Variants in TRIP11 observed in about 807,000 individuals in gnomAD.
TRIP11 encodes the protein thyroid hormone receptor interactor 11, also known as thyroid receptor-interacting protein 11.
A neutral mutation model predicts 223.1 loss-of-function variants in TRIP11; 148 were observed. The observed-to-expected ratio is 0.66, with a 90% CI of 0.58 to 0.76. The LOEUF (loss-of-function observed/expected upper bound fraction) is 0.76, where lower values mean the gene tolerates loss of function less well. Ranked by LOEUF, TRIP11 falls within the 30% of genes least tolerant of loss-of-function variation. The pLI is 0.00. For missense variants in TRIP11, 2,043 were observed against 2,222.0 expected (o/e 0.92, Z 1.62); for synonymous variants, 762 against 772.6 (o/e 0.99, Z 0.23).
chr14:91,972,866 GA>G lies in TRIP11; in HGVS notation c.5575-6del, dbSNP rs769352931. 6 of 1,607,550 alleles carry G rather than the reference GA, an allele frequency of 3.7e-6. No homozygotes were observed. The East Asian group carries it at 1.1e-4, about 30-fold the overall frequency. ...AACAAAAAGTTCTGAAAAAGACTAA[GA>G]AAAAATATTTTGGTTATATTAGGCT... On this transcript the variant is annotated splice_polypyrimidine_tract_variant and splice_region_variant and intron_variant, in intron 19 of 20. Transcript: ENST00000267622.
At chr14:91,970,239 T>C (rs528762313) in intron 20 of TRIP11, among the ~76,000 whole-genome samples, 37 of 152,154 alleles carry the variant, frequency 2.4e-4, no homozygotes, top group African/African-American at 8.2e-4. Context: ...AAACGCCGTC[T>C]CTACTAAAAA....
chr14:92,032,825 C>G (rs946206259), intron 2 of TRIP11, among the ~76,000 whole-genome samples: 13 of 148,122 alleles, frequency 8.8e-5, no homozygotes, highest in African/African-American at 3.3e-4. Flanking sequence ...AGAGTGAGAC[C>G]CCGTTTCAAA....
chr14:92,026,555 C>T (rs879903670), intron 2 of TRIP11: 106 of 1,258,986 alleles, frequency 8.4e-5, no homozygotes, highest in Non-Finnish European at 1.0e-4. Flanking sequence ...GGATCACTGG[C>T]GTGCCCTACC....
chr14:91,967,012 C>T lies in TRIP11; in HGVS notation c.*2661G>A, dbSNP rs59452573. 1.0e-5 allele frequency: 2 copies of T among 200,890 alleles called. No individual in the cohort carries two copies. The highest frequency in any genetic ancestry group is 4.6e-5 in the African/African-American group (2 of 43,464). The allele number at this position is 200,890 out of a possible 1,614,324, so 12.4% of individuals were successfully genotyped here. ...ACGGTTCAGTGAGCAGGTGGTTCATCTCTGACACAACTAAGTTTCAGAAAA... is the reference window on the plus strand; with the variant it reads ...ACGGTTCAGTGAGCAGGTGGTTCATTTCTGACACAACTAAGTTTCAGAAAA... On this transcript the variant is annotated 3_prime_UTR_variant, in exon 21 of 21. Coordinates refer to ENST00000267622, the MANE Select transcript of TRIP11 (RefSeq NM_004239.4).
At chr14:92,030,215 A>G (rs1339931938) in intron 2 of TRIP11, among the ~76,000 whole-genome samples, 2 of 151,080 alleles carry the variant, frequency 1.3e-5, no homozygotes, top group Non-Finnish European at 3.0e-5. Flanking sequence ...AAAAAAAAAA[A>G]AAAAAAAAAA....
Position 91,995,385 on chromosome 14 carries a change from T to C in TRIP11, c.5023A>G (p.Asn1675Asp). Residue 1675 changes from asparagine to aspartate, a missense_variant, in exon 14 of 21, where the codon AAC (asparagine) becomes GAC (aspartate). Coordinates refer to ENST00000267622, the MANE Select transcript of TRIP11 (RefSeq NM_004239.4). ...QVKQYALSLA[N>D]LQMVLEHFQQ... ...AAATGCTCTAGTACCATCTGCAGGT[T>C]GGCCAGTGACAGAGCATACTGCTTT... is the stretch of plus-strand genomic sequence containing the variant. 6.2e-7 allele frequency: 1 copy of C among 1,613,998 alleles called. No individual in the cohort carries two copies. The highest frequency in any genetic ancestry group is 8.5e-7 in the Non-Finnish European group (1 of 1,180,002).
chr14:92,026,088 T>C (rs1010414830), intron 2 of TRIP11, among the ~76,000 whole-genome samples: 1 of 152,240 alleles, frequency 6.6e-6, no homozygotes, highest in Non-Finnish European at 1.5e-5. Context: ...GTTTGAACTT[T>C]TGTTTTCTTC....
At chr14:92,039,415 T>C (rs2057358886) in intron 1 of TRIP11, 132 bp downstream of exon 1, 1 of 893,832 alleles carries the variant, frequency 1.1e-6, no homozygotes, top group East Asian at 2.6e-5. Flanking sequence ...CAAGAGGAGG[T>C]GTGTGAAGAA....
intron 9 of TRIP11, among the ~76,000 whole-genome samples, chr14:92,010,616 T>G (rs373938366): frequency 6.6e-6 from 1 of 151,958 alleles, no homozygotes; most frequent in South Asian, 2.1e-4. Flanking sequence ...TCCACCAAAA[T>G]GGACACATTC....
At position 92,004,422 on chromosome 14, in the gene TRIP11, G is replaced by A. The variant is rs1489640595; in HGVS notation, c.3554C>T (p.Ala1185Val). 1.2e-6 allele frequency: 2 copies of A among 1,613,796 alleles called. No individual in the cohort carries two copies. Among genetic ancestry groups the A allele is most frequent in the East Asian group, 2.2e-5 (1 of 44,900 alleles). The change falls in exon 11 of 21, where the codon GCA (alanine) becomes GTA (valine). Residue 1185 changes from alanine to valine, a missense_variant. Physicochemically the swap from Ala to Val is moderately conservative, Grantham distance 64. Transcript: ENST00000267622. The stretch of plus-strand genomic sequence containing the variant: ...ACCAGTGCTGGATGTTTGTAAAACT[G>A]CCAATAAAGTCTGACATTTCTGACT... ...ALSQKCQTLL[A>V]VLQTSSTGNE...
rs1566872232 is a variant in TRIP11 at position 92,025,328 on chromosome 14, A to G, written c.294T>C (p.Asn98=). 6.2e-7 allele frequency: 1 copy of G among 1,613,466 alleles called. No homozygotes were observed. The highest frequency in any genetic ancestry group is 1.7e-5 in the Admixed American group (1 of 60,014). ...QIKQQSTSYR[N]QLQQKEVEIS... ...CATTTACCTCTTTTTGTTGAAGTTG[A>G]TTTCGGTAACTTGTAGATTGCTGCT... The change falls in exon 3 of 21, where the codon AAT becomes AAC. Residue 98 remains asparagine, a synonymous_variant. Transcript: ENST00000267622.
At position 91,967,272 on chromosome 14, in the gene TRIP11, G is replaced by A. The variant is rs1394798551; in HGVS notation, c.*2401C>T. On this transcript the variant is annotated 3_prime_UTR_variant, in exon 21 of 21. Transcript: ENST00000267622. ...TCCTGCCTCAGCCTCCTGAGTAGCT[G>A]GGATTATAGGCGCCTGCCACCATGC... 1.7e-5 allele frequency: 3 copies of A among 173,754 alleles called. No homozygotes were observed. Among genetic ancestry groups the A allele is most frequent in the Non-Finnish European group, 2.5e-5 (2 of 80,842 alleles). 10.8% of individuals were successfully genotyped at this position (173,754 alleles called of 1,614,324 possible).
rs752721504 is a variant in TRIP11 at position 92,006,228 on chromosome 14, T to C, written c.1748A>G (p.Asp583Gly). 2 of 1,613,170 alleles carry C rather than the reference T, an allele frequency of 1.2e-6. No homozygotes were observed. Among genetic ancestry groups the C allele is most frequent in the Middle Eastern group, 1.7e-4 (1 of 6,056 alleles). ...DLHLTKQKLE[D>G]KVENLVDQLN... The stretch of plus-strand genomic sequence containing the variant: ...CTGATCTACTAAATTTTCTACTTTG[T>C]CCTCAAGTTTCTGCTTGGTTAAATG... Residue 583 changes from aspartate to glycine, a missense_variant, in exon 11 of 21, where the codon GAC (aspartate) becomes GGC (glycine). Coordinates refer to ENST00000267622, the MANE Select transcript of TRIP11 (RefSeq NM_004239.4).
At chr14:92,029,155 T>A (rs1442358139) in intron 2 of TRIP11, among the ~76,000 whole-genome samples, 1 of 152,084 alleles carries the variant, frequency 6.6e-6, no homozygotes, top group African/African-American at 2.4e-5. Flanking sequence ...AAAAATCATT[T>A]AAAAAATTAT....
chr14:92,005,335 G>A lies in TRIP11; in HGVS notation c.2641C>T (p.Pro881Ser). ...TCAAGGGTTTTAGGGTCAGCCACAG[G>A]TGCGGTTCGACTCTGCTCTTCCCTG... ...RLREEQSRTA[P>S]VADPKTLDSV... Residue 881 changes from proline (P) to serine (S), a missense_variant, in exon 11 of 21, where the codon CCT becomes TCT. Physicochemically the swap from Pro to Ser is moderately conservative, Grantham distance 74. Coordinates refer to ENST00000267622, the MANE Select transcript of TRIP11 (RefSeq NM_004239.4). 1 of 1,614,110 alleles carries A rather than the reference G, an allele frequency of 6.2e-7. No homozygotes were observed. The highest frequency in any genetic ancestry group is 2.2e-5 in the East Asian group (1 of 44,882).
At position 91,967,140 on chromosome 14, in the gene TRIP11, T is replaced by TTTTTTTTTTTTTTTTTG. The variant is rs2056349876; in HGVS notation, c.*2532_*2533insCAAAAAAAAAAAAAAAA. 1.2e-5 allele frequency: 1 copy of TTTTTTTTTTTTTTTTTG among 85,848 alleles called. No individual in the cohort carries two copies. The highest frequency in any genetic ancestry group is 2.5e-5 in the Non-Finnish European group (1 of 40,330). 5.3% of individuals were successfully genotyped at this position (85,848 alleles called of 1,614,324 possible). On this transcript the variant is annotated 3_prime_UTR_variant, in exon 21 of 21. Transcript: ENST00000267622. ...GAAAACATTAGGTACTATAGCTTTT[T>TTTTTTTTTTTTTTTTTG]TTTTTTTTTTTTTTTTTTTGAGACA...
At position 92,014,465 on chromosome 14, in the gene TRIP11, C is replaced by G; in HGVS notation, c.936G>C (p.Glu312Asp). The change falls in exon 7 of 21, where the codon GAG (glutamate) becomes GAC (aspartate). Residue 312 changes from glutamate to aspartate, a missense_variant. Glu to Asp is a conservative substitution (Grantham distance 45). Transcript: ENST00000267622. ...TTTTATTTATATCTTTTATTTTATC[C>G]TCAAGTTGTTCCATTTTTTTGGTAG... ...VESTKKMEQLEDKIKDINKKL... is the reference protein window; with the variant it reads ...VESTKKMEQLDDKIKDINKKL... 1 of 1,596,012 alleles carries G rather than the reference C, an allele frequency of 6.3e-7. No individual in the cohort carries two copies.
rs1409269943 is a variant in TRIP11, at chr14:92,040,031, G to T, written c.-346C>A. Reference sequence around the variant, plus strand: ...CTGCCAACTCGACGCCGGCCGCCATGACACTCGCTCGGAAAGCGGCAGCGG... The same window carrying T: ...CTGCCAACTCGACGCCGGCCGCCATTACACTCGCTCGGAAAGCGGCAGCGG... On this transcript the variant is annotated 5_prime_UTR_variant, in exon 1 of 21. Transcript: ENST00000267622. The T allele has an allele frequency of 2.4e-6, 1 of 425,412 alleles. No homozygotes were observed. Among genetic ancestry groups the T allele is most frequent in the Admixed American group, 3.7e-5 (1 of 27,058 alleles). The allele number at this position is 425,412 out of a possible 1,614,324, so 26.4% of individuals were successfully genotyped here.
chr14:92,034,213 C>T (rs1002638336), intron 1 of TRIP11, among the ~76,000 whole-genome samples: 1 of 152,014 alleles, frequency 6.6e-6, no homozygotes, highest in Non-Finnish European at 1.5e-5. Context: ...CACGTGAGAT[C>T]GGGAGTTTGA....
Sources: gnomAD v4.1 joint callset for allele counts (sites outside exome capture counted in the v4.1 genomes callset) on GRCh38, gnomAD v4.1.1 for gene constraint, MANE v1.5 for transcripts, NCBI Gene and HGNC (gene_info 2026-07-23, HGNC 2026-07-21) for gene names.